Variants in GPC5 observed in about 807,000 individuals in gnomAD.
GPC5 encodes glypican 5.
Under a neutral mutation model 53.9 loss-of-function variants are expected in GPC5, and 47 were observed. The observed-to-expected ratio is 0.87, with a 90% CI of 0.69 to 1.11. The LOEUF (loss-of-function observed/expected upper bound fraction) is 1.11. Among genes scored for constraint, GPC5 ranks in the 50% most tolerant of loss-of-function variants. The pLI, the probability that GPC5 is intolerant of heterozygous loss-of-function variation, is 0.00. For synonymous variants in GPC5, 286 were observed against 263.3 expected (o/e 1.09, Z -0.84); for missense variants, 748 against 713.1 (o/e 1.05, Z -0.56).
chr13:91,442,647 C>T (rs543496963), intron 1 of GPC5, among the ~76,000 whole-genome samples: 22 of 152,224 alleles, frequency 1.4e-4, no homozygotes. Flanking sequence ...AAAAATGTTC[C>T]TTAGTGCTTT....
At chr13:92,245,251 C>A (rs1362281036) in intron 7 of GPC5, among the ~76,000 whole-genome samples, 1 of 151,954 alleles carries the variant, frequency 6.6e-6, no homozygotes, top group African/African-American at 2.4e-5. Flanking sequence ...TTATTGCAGT[C>A]CCTGTTAAAA....
In GPC5 at chr13:91,900,187, G is replaced by A. The variant is rs529868059; in HGVS notation, c.1281-7750G>A. 2.6e-5 allele frequency among the ~76,000 whole-genome samples: 4 copies of A among 152,094 alleles called. No individual in the cohort carries two copies. The East Asian group carries it at 7.7e-4, about 29-fold the overall frequency. On this transcript the variant is annotated intron_variant, in intron 5 of 7. Coordinates refer to ENST00000377067, the MANE Select transcript of GPC5 (RefSeq NM_004466.6). The stretch of plus-strand genomic sequence containing the variant: ...ACAAAAAAGCTATATAAGATTCTAG[G>A]ATCTTTCAGAATTTTATAATGCTTC...
chr13:91,401,079 G>C (rs1339364451), intron 1 of GPC5, among the ~76,000 whole-genome samples: 2 of 152,116 alleles, frequency 1.3e-5, no homozygotes, highest in African/African-American at 4.8e-5. Context: ...GACATCAGTG[G>C]TACTGGTGAA....
chr13:92,763,639 A>T (rs1425946500), intron 7 of GPC5, among the ~76,000 whole-genome samples: 1 of 152,136 alleles, frequency 6.6e-6, no homozygotes, highest in Non-Finnish European at 1.5e-5. Flanking sequence ...TCTCATAAAG[A>T]GACTTTGCCA....
At chr13:92,812,123 CA>C (rs956722495) in intron 7 of GPC5, among the ~76,000 whole-genome samples, 3 of 151,744 alleles carry the variant, frequency 2.0e-5, no homozygotes, top group African/African-American at 7.3e-5. Flanking sequence ...CTTCAAAAAT[CA>C]AAAAAGGTTT....
intron 2 of GPC5, among the ~76,000 whole-genome samples, chr13:91,577,469 A>ACTTTG (rs1265292019): frequency 6.6e-6 from 1 of 152,008 alleles, no homozygotes; most frequent in East Asian, 1.9e-4. Flanking sequence ...GGGTCTGTGG[A>ACTTTG]CTTTGTCTTT....
chr13:92,756,978 C>G (rs1398723357), intron 7 of GPC5, among the ~76,000 whole-genome samples: 3 of 151,900 alleles, frequency 2.0e-5, no homozygotes, highest in Non-Finnish European at 2.9e-5. Flanking sequence ...TTGGAAAAAA[C>G]TATTTTAAAG....
chr13:91,585,002 A>G (rs926319768), intron 2 of GPC5, among the ~76,000 whole-genome samples: 2 of 152,220 alleles, frequency 1.3e-5, no homozygotes, highest in African/African-American at 4.8e-5. Flanking sequence ...CTATAAATCA[A>G]TAGAAAAAAG....
intron 2 of GPC5, among the ~76,000 whole-genome samples, chr13:91,463,910 G>C (rs370922707): frequency 6.6e-4 from 100 of 152,054 alleles, no homozygotes; most frequent in African/African-American, 2.3e-3. Flanking sequence ...GGGAAAATTG[G>C]GCCTTGTGAA....
At chr13:91,740,221 G>T (rs566090964) in intron 4 of GPC5, among the ~76,000 whole-genome samples, 2 of 152,196 alleles carry the variant, frequency 1.3e-5, no homozygotes, top group South Asian at 4.2e-4. Flanking sequence ...AATTTTTAAA[G>T]GTACCTAAAA....
intron 7 of GPC5, among the ~76,000 whole-genome samples, chr13:92,647,091 A>T (rs780789021): frequency 3.9e-5 from 6 of 152,130 alleles, no homozygotes; most frequent in Non-Finnish European, 5.9e-5. Flanking sequence ...TGTTTTTCCC[A>T]GACTGCATGC....
intron 5 of GPC5, among the ~76,000 whole-genome samples, chr13:91,804,107 A>G (rs2038181784): frequency 6.6e-6 from 1 of 152,228 alleles, no homozygotes; most frequent in African/African-American, 2.4e-5. Context: ...AATATCTGGA[A>G]CTAGTCACTT....
chr13:92,796,282 T>C (rs538910852), intron 7 of GPC5, among the ~76,000 whole-genome samples: 1 of 152,156 alleles, frequency 6.6e-6, no homozygotes, highest in South Asian at 2.1e-4. Context: ...AAATACCGCA[T>C]GTTCTCACTC....
intron 6 of GPC5, among the ~76,000 whole-genome samples, chr13:91,983,103 TG>T (rs1224139168): frequency 6.6e-6 from 1 of 151,624 alleles, no homozygotes; most frequent in African/African-American, 2.4e-5. Context: ...CCCAGCACTT[TG>T]GGATGCCGAG....
At chr13:91,575,567 T>C (rs2032100442) in intron 2 of GPC5, among the ~76,000 whole-genome samples, 1 of 152,166 alleles carries the variant, frequency 6.6e-6, no homozygotes, top group African/African-American at 2.4e-5. Context: ...CGCTATTTTA[T>C]ATGCATGTTA....
intron 2 of GPC5, among the ~76,000 whole-genome samples, chr13:91,526,600 G>T (rs1166095447): frequency 6.6e-6 from 1 of 152,168 alleles, no homozygotes; most frequent in African/African-American, 2.4e-5. Flanking sequence ...TTTCTAAAGG[G>T]ACTGAGGGAC....
intron 7 of GPC5, among the ~76,000 whole-genome samples, chr13:92,154,764 T>C (rs2041931463): frequency 6.6e-6 from 1 of 152,232 alleles, no homozygotes; most frequent in Non-Finnish European, 1.5e-5. Context: ...GAGCCATTTT[T>C]ACATGAGACT....
At chr13:92,670,770 C>G (rs1175832215) in intron 7 of GPC5, among the ~76,000 whole-genome samples, 2 of 152,154 alleles carry the variant, frequency 1.3e-5, no homozygotes, top group African/African-American at 4.8e-5. Flanking sequence ...AAGCCTTTAG[C>G]CTTTTTCTTT....
chr13:92,054,492 C>A (rs563042672), intron 6 of GPC5, among the ~76,000 whole-genome samples: 7 of 152,094 alleles, frequency 4.6e-5, no homozygotes, highest in South Asian at 2.1e-4. Context: ...TCATGCCTCC[C>A]AAATTTCTGA....
Sources: gnomAD v4.1 joint callset for allele counts (sites outside exome capture counted in the v4.1 genomes callset) on GRCh38, gnomAD v4.1.1 for gene constraint, MANE v1.5 for transcripts, NCBI Gene and HGNC (gene_info 2026-07-23, HGNC 2026-07-21) for gene names.